The following LTBP1 variants were observed in gnomAD, a reference collection of about 807,000 sequenced individuals.
LTBP1 encodes the protein latent-transforming growth factor beta-binding protein 1.
LTBP1 carries 129 observed loss-of-function variants against 207.6 expected under a neutral mutation model. That is an observed-to-expected ratio of 0.62 (90% confidence interval 0.54 to 0.72). The LOEUF (loss-of-function observed/expected upper bound fraction) is 0.72. Among genes scored for constraint, LTBP1 ranks in the 30% least tolerant of loss-of-function variants. The probability of loss-of-function intolerance (pLI) is 0.00; values close to 1 mark genes in which losing one functional copy is unlikely to be tolerated. For synonymous variants in LTBP1, 963 were observed against 833.7 expected, an observed-to-expected ratio of 1.16 and a Z score of -2.67; for missense variants, 2,281 against 2,217.2, an observed-to-expected ratio of 1.03 and a Z score of -0.58.
chr2:33,347,256 G>A, intron 25 of LTBP1, 111 bp from the exon 26 acceptor site: 1 of 1,223,508 alleles, frequency 8.2e-7, no homozygotes, highest in South Asian at 1.4e-5. Context: ...ACTGCTCTCT[G>A]GGGATCGCCT....
At chr2:33,223,265 C>G (rs2091236935) in intron 9 of LTBP1, among the ~76,000 whole-genome samples, 1 of 152,140 alleles carries the variant, frequency 6.6e-6, no homozygotes, top group Non-Finnish European at 1.5e-5. Flanking sequence ...TCTCAATTGT[C>G]TATAGTGCAT....
In LTBP1 at chr2:33,110,609, G is replaced by A. The variant is rs766301364; in HGVS notation, c.891G>A (p.Val297=). The change falls in exon 4 of 34, where the codon GTG becomes GTA. Residue 297 remains valine, a synonymous_variant. Transcript: ENST00000404816. ...SQVTPLSSQS[V]VIHHGQTQEY... ...TGACTCCTCTTTCTTCCCAGAGTGTGGTGATTCACCATGGCCAGACCCAGG... is the reference window on the plus strand; with the variant it reads ...TGACTCCTCTTTCTTCCCAGAGTGTAGTGATTCACCATGGCCAGACCCAGG... 1 of 1,613,820 alleles carries A rather than the reference G, an allele frequency of 6.2e-7. No homozygotes were observed. Among genetic ancestry groups the A allele is most frequent in the Non-Finnish European group, 8.5e-7 (1 of 1,179,832 alleles).
intron 9 of LTBP1, among the ~76,000 whole-genome samples, chr2:33,240,292 T>C (rs1315746403): frequency 2.0e-5 from 3 of 152,208 alleles, no homozygotes; most frequent in Admixed American, 6.5e-5. Flanking sequence ...TTGTTAAGTC[T>C]AAATAGAATT....
At chr2:33,118,190 CAA>C (rs1399685000) in intron 4 of LTBP1, among the ~76,000 whole-genome samples, 1 of 81,412 alleles carries the variant, frequency 1.2e-5, no homozygotes, top group African/African-American at 5.4e-5. Context: ...AACTTGTGTG[CAA>C]AAAAAAAAAA....
At chr2:33,261,064 A>AG (rs2092996454) in intron 13 of LTBP1, among the ~76,000 whole-genome samples, 1 of 152,218 alleles carries the variant, frequency 6.6e-6, no homozygotes, top group East Asian at 1.9e-4. Context: ...GGTGTGGTAG[A>AG]GGGGACAGCA....
rs59749947 is a variant in LTBP1, at chr2:32,952,685, T to C, written c.565+3740T>C. On this transcript the variant is annotated intron_variant, in intron 2 of 33. Transcript: ENST00000404816. ...CCAAACTGAACCTCCCCCCATGCCC[T>C]GCATTGGTTCTGCCAGTCTTTTTGC... 8.8e-3 allele frequency among the ~76,000 whole-genome samples: 1,339 copies of C among 152,254 alleles called. 21 individuals are homozygous for C. The highest frequency in any genetic ancestry group is 0.03 in the African/African-American group (1,263 of 41,528).
intron 2 of LTBP1, among the ~76,000 whole-genome samples, chr2:32,998,753 G>C (rs1385540160): frequency 1.3e-5 from 2 of 152,062 alleles, no homozygotes; most frequent in Admixed American, 1.3e-4. Flanking sequence ...TCCCCACTCT[G>C]TTCTCTCCCA....
chr2:33,042,523 A>G (rs1478564498), intron 3 of LTBP1, among the ~76,000 whole-genome samples: 1 of 152,208 alleles, frequency 6.6e-6, no homozygotes, highest in Non-Finnish European at 1.5e-5. Flanking sequence ...TTTGGTTGCC[A>G]GTGGAAGCTG....
intron 4 of LTBP1, among the ~76,000 whole-genome samples, chr2:33,130,823 C>T (rs1355817363): frequency 6.6e-6 from 1 of 152,176 alleles, no homozygotes; most frequent in Non-Finnish European, 1.5e-5. Context: ...CCAAGGCCTC[C>T]AAAACCCAAA....
intron 26 of LTBP1, among the ~76,000 whole-genome samples, chr2:33,353,349 C>G (rs781574007): frequency 5.3e-5 from 8 of 152,156 alleles, no homozygotes; most frequent in Non-Finnish European, 1.0e-4. Context: ...CGAGTTGTCA[C>G]ACATTCCCCA....
intron 3 of LTBP1, among the ~76,000 whole-genome samples, chr2:33,062,544 T>G (rs2077316197): frequency 6.6e-6 from 1 of 152,220 alleles, no homozygotes; most frequent in African/African-American, 2.4e-5. Context: ...GGATCATTTG[T>G]TGAAAAGAGT....
chr2:33,060,865 C>T, intron 3 of LTBP1, among the ~76,000 whole-genome samples: 1 of 152,076 alleles, frequency 6.6e-6, no homozygotes, highest in East Asian at 1.9e-4. Flanking sequence ...TCTTGTTTGG[C>T]AGCCTTTTCA....
chr2:32,974,061 T>G (rs187042473), intron 2 of LTBP1, among the ~76,000 whole-genome samples: 1 of 152,248 alleles, frequency 6.6e-6, no homozygotes, highest in Non-Finnish European at 1.5e-5. Flanking sequence ...GCTTCAAACA[T>G]AGGAGTGCAA....
intron 5 of LTBP1, among the ~76,000 whole-genome samples, chr2:33,152,616 G>A (rs1416331234): frequency 1.3e-5 from 2 of 152,106 alleles, no homozygotes; most frequent in South Asian, 2.1e-4. Flanking sequence ...ATATTTTCTC[G>A]TTTTTTAATA....
rs567196296 is a variant in LTBP1 at position 33,235,613 on chromosome 2, T to C, written c.1877-8049T>C. Among the ~76,000 whole-genome samples, 3 of 152,320 alleles carry C rather than the reference T, an allele frequency of 2.0e-5. No individual in the cohort carries two copies. The East Asian group carries it at 5.8e-4, about 29-fold the overall frequency. ...AAAGACACATGCACACATATGTTTA[T>C]TGCAGCACTGTTCACAATAGCAAAG... is the stretch of plus-strand genomic sequence containing the variant. On this transcript the variant is annotated intron_variant, in intron 9 of 33. Coordinates refer to ENST00000404816, the MANE Select transcript of LTBP1 (RefSeq NM_206943.4).
intron 9 of LTBP1, among the ~76,000 whole-genome samples, chr2:33,239,738 CA>C (rs372396935): frequency 9.6e-4 from 122 of 126,976 alleles, no homozygotes; most frequent in Middle Eastern, 4.0e-3. Context: ...ACTAAAAATA[CA>C]AAAAAAAAAA....
At position 33,188,670 on chromosome 2, in the gene LTBP1, C is replaced by T. The variant is rs756363567; in HGVS notation, c.1520C>T (p.Thr507Ile). Residue 507 changes from threonine to isoleucine, a missense_variant, in exon 7 of 34, where the codon ACA becomes ATA. By Grantham distance (89) the Thr-to-Ile change is moderately conservative. Transcript: ENST00000404816. ...IHQVSRIDGP[T>I]GQKTKEAQPG... ...CAGGTTTCAAGAATTGATGGCCCAA[C>T]AGGCCAGAAGACAAAAGAAGCTCAA... 26 of 1,614,128 alleles carry T rather than the reference C, an allele frequency of 1.6e-5. No individual in the cohort carries two copies. The highest frequency in any genetic ancestry group is 2.2e-5 in the Non-Finnish European group (26 of 1,180,004).
At chr2:33,303,166 C>T (rs990871123) in intron 22 of LTBP1, among the ~76,000 whole-genome samples, 2 of 152,010 alleles carry the variant, frequency 1.3e-5, no homozygotes, top group South Asian at 4.2e-4. Context: ...TGGAGGGAGA[C>T]ATTTATGGAA....
chr2:33,390,069 C>G (rs1331791611), intron 32 of LTBP1, among the ~76,000 whole-genome samples: 1 of 152,178 alleles, frequency 6.6e-6, no homozygotes, highest in Non-Finnish European at 1.5e-5. Flanking sequence ...CAAATGTTAA[C>G]TGTACAAGTT....
Sources: gnomAD v4.1 joint callset for allele counts (sites outside exome capture counted in the v4.1 genomes callset) on GRCh38, gnomAD v4.1.1 for gene constraint, MANE v1.5 for transcripts, NCBI Gene and HGNC (gene_info 2026-07-23, HGNC 2026-07-21) for gene names.